Variants in SLC6A16 observed in about 807,000 individuals in gnomAD.
SLC6A16 encodes the protein solute carrier family 6 member 16.
Under a neutral mutation model 65.4 loss-of-function variants are expected in SLC6A16, and 54 were observed. The observed-to-expected ratio is 0.83, with a 90% confidence interval of 0.66 to 1.04. The LOEUF is 1.04. SLC6A16 is among the 50% of genes least tolerant of loss of function. The probability of loss-of-function intolerance (pLI) is 0.00; values close to 1 mark genes in which losing one functional copy is unlikely to be tolerated. For missense variants in SLC6A16, 816 were observed against 914.0 expected (o/e 0.89, Z 1.38); for synonymous variants, 330 against 346.5 (o/e 0.95, Z 0.53).
chr19:49,317,622 T>C (rs1258960933), intron 1 of SLC6A16, among the ~76,000 whole-genome samples: 5 of 151,818 alleles, frequency 3.3e-5, no homozygotes, highest in African/African-American at 7.3e-5. Context: ...CTGGCTAACA[T>C]GGTGAAACCC....
the SLC6A16 span, chr19:49,338,331 T>TA: frequency 4.9e-5 from 29 of 595,814 alleles, 1 homozygote; most frequent in South Asian, 6.6e-4. The surrounding 1 kb of genome is among the most constrained non-coding windows in gnomAD (Gnocchi z 5.0). Flanking sequence ...CACGGCTTCC[T>TA]ACCCCGTAGT....
At position 49,311,036 on chromosome 19, in the gene SLC6A16, C is replaced by T. The variant is rs566445863; in HGVS notation, c.312G>A (p.Pro104=). Residue 104 remains proline (P), a synonymous_variant, in exon 2 of 12, where the codon CCG becomes CCA. Coordinates refer to ENST00000335875, the MANE Select transcript of SLC6A16 (RefSeq NM_014037.3). ...TATACTCAGTTTTGCTGGACCAGAA[C>T]GGACGGGCAAGGAGGACCTCACTCT... The part of the protein sequence containing the change: ...KKESEVLLAR[P]FWSSKTEYIL... The T allele has an allele frequency of 2.1e-5, 34 of 1,614,212 alleles. No homozygotes were observed. The highest frequency in any genetic ancestry group is 1.6e-4 in the African/African-American group (12 of 75,060).
At chr19:49,323,863 T>C (rs768313781) in intron 1 of SLC6A16, among the ~76,000 whole-genome samples, 2 of 152,144 alleles carry the variant, frequency 1.3e-5, no homozygotes, top group Non-Finnish European at 2.9e-5. Context: ...CTTCTGGGTA[T>C]ACACCCAAAA....
chr19:49,339,441 T>A, the SLC6A16 span: 1 of 1,603,860 alleles, frequency 6.2e-7, no homozygotes, highest in Non-Finnish European at 8.5e-7. The surrounding 1 kb of genome is among the most constrained non-coding windows in gnomAD (Gnocchi z 4.5). Context: ...CCACCCGCGA[T>A]CGGCCCTAAA....
intron 1 of SLC6A16, among the ~76,000 whole-genome samples, chr19:49,318,453 G>T (rs1397346900): frequency 6.6e-6 from 1 of 152,028 alleles, no homozygotes; most frequent in Non-Finnish European, 1.5e-5. Flanking sequence ...CATTCCTTAA[G>T]ATAATACAGA....
intron 7 of SLC6A16, among the ~76,000 whole-genome samples, chr19:49,301,660 T>G (rs1180852223): frequency 6.6e-6 from 1 of 152,114 alleles, no homozygotes; most frequent in Non-Finnish European, 1.5e-5. Context: ...GCAAAAGCCC[T>G]GTAGTTTTTT....
the SLC6A16 span, among the ~76,000 whole-genome samples, chr19:49,334,402 C>T: frequency 1.3e-5 from 2 of 151,950 alleles, no homozygotes; most frequent in Non-Finnish European, 2.9e-5. Context: ...GCAAGGATTG[C>T]TCGAGCCTGG....
intron 4 of SLC6A16, 42 bp downstream of exon 4, chr19:49,309,998 T>C: frequency 6.3e-7 from 1 of 1,597,682 alleles, no homozygotes; most frequent in Non-Finnish European, 8.6e-7. Flanking sequence ...TACTTCTACT[T>C]CTCCATTTTT....
In SLC6A16 at chr19:49,310,919, G is replaced by T. The variant is rs535683487; in HGVS notation, c.415+14C>A. ...GCCCCTTGTGGACCCAGGTTTCCTG[G>T]TCCCCAGACTTACAGCCTCCACTGT... On this transcript the variant is annotated intron_variant, in intron 2 of 11. Transcript: ENST00000335875. The T allele has an allele frequency of 1.0e-4, 164 of 1,595,242 alleles. 2 individuals are homozygous for T. The South Asian group carries it at 1.7e-3, about 16-fold the overall frequency.
At chr19:49,338,778 C>G in the SLC6A16 span, 1 of 1,613,808 alleles carries the variant, frequency 6.2e-7, no homozygotes, top group Non-Finnish European at 8.5e-7. The surrounding 1 kb of genome is among the most constrained non-coding windows in gnomAD (Gnocchi z 5.0). Flanking sequence ...GGAGGCGCAC[C>G]GCGTGCCCTG....
At chr19:49,339,298 G>A in the SLC6A16 span, 3 of 1,593,930 alleles carry the variant, frequency 1.9e-6, no homozygotes, top group African/African-American at 2.7e-5. This position sits in a 1 kb window ranked among gnomAD's most constrained non-coding sequence, Gnocchi z 4.5. Context: ...GTCCCAGAAA[G>A]AATCCCTTTA....
At chr19:49,334,153 G>A in the SLC6A16 span, among the ~76,000 whole-genome samples, 1 of 152,252 alleles carries the variant, frequency 6.6e-6, no homozygotes, top group Non-Finnish European at 1.5e-5. Flanking sequence ...TGCAGACTCT[G>A]AGAGGCACAA....
At chr19:49,324,568 G>A (rs573025300) in intron 1 of SLC6A16, among the ~76,000 whole-genome samples, 2 of 152,268 alleles carry the variant, frequency 1.3e-5, no homozygotes, top group East Asian at 1.9e-4. Context: ...GCCCTGTGGG[G>A]AGTGCTCAGG....
intron 7 of SLC6A16, among the ~76,000 whole-genome samples, chr19:49,304,835 T>C (rs1329667309): frequency 6.6e-6 from 1 of 152,194 alleles, no homozygotes; most frequent in Non-Finnish European, 1.5e-5. Context: ...AAAAATGAAC[T>C]TGACCACACA....
rs1970095420 is a variant in SLC6A16 at position 49,292,437 on chromosome 19, G to C, written c.1778+786C>G. Among the ~76,000 whole-genome samples, 2 of 151,988 alleles carry C rather than the reference G, an allele frequency of 1.3e-5. No homozygotes were observed. Among genetic ancestry groups the C allele is most frequent in the Non-Finnish European group, 2.9e-5 (2 of 68,004 alleles). The stretch of plus-strand genomic sequence containing the variant: ...CCTGGCTTCACTCTTGACTCTTCCT[G>C]GTCTGTTCTCCAGACAGCAGCCATA... On this transcript the variant is annotated intron_variant, in intron 10 of 11. Coordinates refer to ENST00000335875, the MANE Select transcript of SLC6A16 (RefSeq NM_014037.3). This position sits in a 1 kb window ranked among gnomAD's most constrained non-coding sequence, Gnocchi z 4.3.
At chr19:49,306,529 T>G (rs1234600568) in intron 7 of SLC6A16, among the ~76,000 whole-genome samples, 1 of 150,762 alleles carries the variant, frequency 6.6e-6, no homozygotes, top group Non-Finnish European at 1.5e-5. Context: ...TATCCTTAGT[T>G]CTTTGTTTTT....
Position 49,307,678 on chromosome 19 carries a change from TAA to T in SLC6A16, c.1229+1196_1229+1197del, listed in dbSNP as rs74182048. ...GGACCCTGTTCTCAAAAATTTAAAT[TAA>T]AAAAAAAAAATCTGCTGGGAGAGAG... On this transcript the variant is annotated intron_variant, in intron 7 of 11. Transcript: ENST00000335875. 7.0e-4 allele frequency among the ~76,000 whole-genome samples: 78 copies of T among 110,816 alleles called. 1 individual carries two copies. Among genetic ancestry groups the T allele is most frequent in the Admixed American group, 1.3e-3 (13 of 9,914 alleles). The allele number at this position is 110,816 out of a possible 152,430, so 72.7% of individuals were successfully genotyped here.
At chr19:49,303,874 T>C (rs1970333853) in intron 7 of SLC6A16, among the ~76,000 whole-genome samples, 1 of 152,240 alleles carries the variant, frequency 6.6e-6, no homozygotes, top group South Asian at 2.1e-4. Flanking sequence ...AAAATAATGC[T>C]GGCCCAGCCA....
At chr19:49,325,531 G>T (rs1970785976), upstream of SLC6A16, among the ~76,000 whole-genome samples, 1 of 152,280 alleles carries the variant, frequency 6.6e-6, no homozygotes, top group African/African-American at 2.4e-5. Flanking sequence ...CAAACCTTTC[G>T]CATTTACTTA....
Sources: gnomAD v4.1 joint callset for allele counts (sites outside exome capture counted in the v4.1 genomes callset) on GRCh38, gnomAD v4.1.1 for gene constraint, Gnocchi (gnomAD v3.1) non-coding constraint, MANE v1.5 for transcripts, NCBI Gene and HGNC (gene_info 2026-07-23, HGNC 2026-07-21) for gene names.